Variants in DSCAML1 observed in about 807,000 individuals in gnomAD.
DSCAML1 encodes the protein cell adhesion molecule DSCAML1.
In DSCAML1, 38 loss-of-function variants were observed where a neutral mutation model predicts 200.5. The ratio of observed to expected loss-of-function variants is 0.19; its 90% confidence interval spans 0.15 to 0.25. The LOEUF (loss-of-function observed/expected upper bound fraction) is 0.25, where lower values mean the gene tolerates loss of function less well. DSCAML1 is among the 10% of genes least tolerant of loss of function. The pLI is 1.00. For synonymous variants in DSCAML1, 1,215 were observed against 1,165.0 expected (o/e 1.04, Z -0.87); for missense variants, 2,223 against 2,858.8 (o/e 0.78, Z 5.07).
At position 117,502,800 on chromosome 11, in the gene DSCAML1, C is replaced by T. The variant is rs74615193; in HGVS notation, c.2359+1045G>A. 6.5e-3 allele frequency among the ~76,000 whole-genome samples: 987 copies of T among 152,288 alleles called. 7 individuals carry two copies. The highest frequency in any genetic ancestry group is 0.031 in the South Asian group (150 of 4,820). On this transcript the variant is annotated intron_variant, in intron 11 of 32. Transcript: ENST00000651296. ...GTTGCTTCACTTACACCATCTGACTCGCTCTTGACATGAAATGTAACGGGT... is the reference window on the plus strand; with the variant it reads ...GTTGCTTCACTTACACCATCTGACTTGCTCTTGACATGAAATGTAACGGGT...
chr11:117,478,163 G>C (rs558789588), intron 14 of DSCAML1, among the ~76,000 whole-genome samples: 1 of 152,310 alleles, frequency 6.6e-6, no homozygotes, highest in South Asian at 2.1e-4. Context: ...CATTGCCCCT[G>C]CTGAGGGGTG....
chr11:117,717,961 C>T (rs1489474200), intron 3 of DSCAML1, among the ~76,000 whole-genome samples: 1 of 152,138 alleles, frequency 6.6e-6, no homozygotes, highest in African/African-American at 2.4e-5. Flanking sequence ...AGGGAGGAAT[C>T]CTTGGCATTT....
In DSCAML1 at chr11:117,428,608, G is replaced by A. The variant is rs1183379416; in HGVS notation, c.5882C>T (p.Pro1961Leu). The change falls in exon 33 of 33, where the codon CCC becomes CTC. Residue 1961 changes from proline to leucine, a missense_variant. Around this residue, in one of 7 missense-constraint regions of DSCAML1, gnomAD observed 280 missense variants for 213.4 expected, o/e 1.31. Transcript: ENST00000651296. ...TAAGGTGGCTGTGGAGGCGGCAGCG[G>A]GGGCCCCTGGGTGGGGAAGGCCCAA... ...KSLGLPHPGA[P>L]AAASTATLPQ... 5.0e-6 allele frequency: 8 copies of A among 1,605,920 alleles called. No homozygotes were observed. Among genetic ancestry groups the A allele is most frequent in the Middle Eastern group, 1.7e-4 (1 of 5,724 alleles).
chr11:117,433,559 G>T, intron 27 of DSCAML1, 88 bp from the exon 28 acceptor site: 2 of 1,465,420 alleles, frequency 1.4e-6, no homozygotes, highest in East Asian at 2.3e-5. Flanking sequence ...ACAAGGTGGA[G>T]AATTCCTTAA....
chr11:117,757,579 C>CAG (rs1459609683), intron 3 of DSCAML1, among the ~76,000 whole-genome samples: 1 of 5,490 alleles, frequency 1.8e-4, no homozygotes, highest in African/African-American at 3.7e-4. Context: ...CCTATACACA[C>CAG]ACACACACAC....
intron 4 of DSCAML1, among the ~76,000 whole-genome samples, chr11:117,528,802 G>A (rs1361397957): frequency 2.6e-5 from 4 of 152,262 alleles, no homozygotes; most frequent in Admixed American, 2.0e-4. Flanking sequence ...AAAGCACTTG[G>A]TAAGCTCTAA....
intron 3 of DSCAML1, among the ~76,000 whole-genome samples, chr11:117,648,681 A>G (rs2052569737): frequency 6.6e-6 from 1 of 152,170 alleles, no homozygotes; most frequent in Non-Finnish European, 1.5e-5. Flanking sequence ...TGGAAAGAAC[A>G]CACAGCCAGA....
chr11:117,700,276 G>A (rs918805739), intron 3 of DSCAML1, among the ~76,000 whole-genome samples: 2 of 152,178 alleles, frequency 1.3e-5, no homozygotes, highest in Non-Finnish European at 2.9e-5. Context: ...GGGCAGAGAT[G>A]GTCTCAAAGA....
chr11:117,493,141 T>G (rs2049219840), intron 11 of DSCAML1, among the ~76,000 whole-genome samples: 1 of 152,120 alleles, frequency 6.6e-6, no homozygotes, highest in Non-Finnish European at 1.5e-5. Flanking sequence ...GCAGAGCTGT[T>G]TCTGCTGCAC....
At chr11:117,720,638 G>A (rs76602652) in intron 3 of DSCAML1, among the ~76,000 whole-genome samples, 1,569 of 152,330 alleles carry the variant, frequency 0.01, 30 homozygotes, top group African/African-American at 0.037. Context: ...TACTGGGACG[G>A]TGTCTAAGTC....
chr11:117,466,101 C>T (rs1323084739), intron 16 of DSCAML1, among the ~76,000 whole-genome samples: 1 of 152,110 alleles, frequency 6.6e-6, no homozygotes, highest in Admixed American at 6.5e-5. Flanking sequence ...AGGGTTTATG[C>T]CCAAAATAAT....
At chr11:117,807,018 C>T (rs1483625454) in intron 1 of DSCAML1, among the ~76,000 whole-genome samples, 1 of 152,210 alleles carries the variant, frequency 6.6e-6, no homozygotes, top group Non-Finnish European at 1.5e-5. Context: ...AATCCTCTTT[C>T]TCAATCACAA....
intron 3 of DSCAML1, among the ~76,000 whole-genome samples, chr11:117,673,975 C>T (rs2053161311): frequency 6.6e-6 from 1 of 152,210 alleles, no homozygotes; most frequent in Non-Finnish European, 1.5e-5. Flanking sequence ...ATTAGAAGCG[C>T]ATGTCCCACA....
chr11:117,611,562 C>A (rs1464007133), intron 3 of DSCAML1: 1 of 152,180 alleles, frequency 6.6e-6, no homozygotes, highest in Non-Finnish European at 1.5e-5. Flanking sequence ...AATGACTGAA[C>A]AAAAGTAACA....
intron 3 of DSCAML1, among the ~76,000 whole-genome samples, chr11:117,738,787 C>T (rs943762323): frequency 3.3e-5 from 5 of 152,128 alleles, no homozygotes; most frequent in African/African-American, 9.7e-5. Context: ...AGGTTTGCAC[C>T]GGTATAACTG....
At chr11:117,656,150 A>G (rs1227570932) in intron 3 of DSCAML1, among the ~76,000 whole-genome samples, 1 of 152,232 alleles carries the variant, frequency 6.6e-6, no homozygotes, top group Admixed American at 6.5e-5. Flanking sequence ...AGGCAGGAGA[A>G]TTACTTTAAC....
At chr11:117,669,533 T>C (rs2053056662) in intron 3 of DSCAML1, among the ~76,000 whole-genome samples, 1 of 152,176 alleles carries the variant, frequency 6.6e-6, no homozygotes, top group South Asian at 2.1e-4. Context: ...CCTGGGCATA[T>C]ACAAGTGAAC....
At chr11:117,778,297 G>A (rs530608963) in intron 2 of DSCAML1, among the ~76,000 whole-genome samples, 3 of 152,224 alleles carry the variant, frequency 2.0e-5, no homozygotes, top group Non-Finnish European at 2.9e-5. Flanking sequence ...CCAGATATGG[G>A]AGAGCACAGA....
chr11:117,781,151 G>A (rs1042385522), intron 1 of DSCAML1, among the ~76,000 whole-genome samples: 4 of 151,952 alleles, frequency 2.6e-5, no homozygotes, highest in African/African-American at 9.7e-5. Flanking sequence ...ACAAAAATTA[G>A]CCGTGCACAC....
Sources: gnomAD v4.1 joint callset for allele counts (sites outside exome capture counted in the v4.1 genomes callset) on GRCh38, gnomAD v4.1.1 for gene constraint, gnomAD v4.1.1 regional missense constraint, MANE v1.5 for transcripts, NCBI Gene and HGNC (gene_info 2026-07-23, HGNC 2026-07-21) for gene names.